The following NFYC variants were observed in gnomAD, a reference collection of about 807,000 sequenced individuals.
NFYC encodes nuclear transcription factor Y subunit gamma.
In NFYC, 25 loss-of-function variants were observed where a neutral mutation model predicts 53.1. The observed-to-expected ratio is 0.47, with a 90% CI of 0.34 to 0.66. The LOEUF is 0.66. Ranked by LOEUF, NFYC falls within the 30% of genes least tolerant of loss-of-function variation. The pLI, the probability that NFYC is intolerant of heterozygous loss-of-function variation, is 0.01. For missense variants in NFYC, 260 were observed against 422.7 expected, an observed-to-expected ratio of 0.62 and a Z score of 3.38; for synonymous variants, 145 against 152.6, an observed-to-expected ratio of 0.95 and a Z score of 0.37.
At chr1:40,694,965 A>G (rs1416235025) in intron 1 of NFYC, among the ~76,000 whole-genome samples, 1 of 152,208 alleles carries the variant, frequency 6.6e-6, no homozygotes, top group East Asian at 1.9e-4. Context: ...GGTCAGAACT[A>G]CTAGAGACTG....
intron 5 of NFYC, among the ~76,000 whole-genome samples, chr1:40,754,763 C>T (rs1033408114): frequency 6.6e-6 from 1 of 152,082 alleles, no homozygotes; most frequent in African/African-American, 2.4e-5. Context: ...AGAGAAGGGT[C>T]ACATCCTGTC....
intron 5 of NFYC, among the ~76,000 whole-genome samples, chr1:40,756,783 CAT>C (rs1557896175): frequency 6.6e-6 from 1 of 152,224 alleles, no homozygotes; most frequent in Non-Finnish European, 1.5e-5. Context: ...TGTCTAAATC[CAT>C]TCATCATTCA....
intron 1 of NFYC, among the ~76,000 whole-genome samples, chr1:40,724,552 T>G (rs1644441984): frequency 6.6e-6 from 1 of 152,220 alleles, no homozygotes; most frequent in Non-Finnish European, 1.5e-5. Context: ...GTTTTATTGC[T>G]GTTATATATG....
chr1:40,744,704 G>A (rs1012266383), intron 2 of NFYC, among the ~76,000 whole-genome samples: 2 of 152,188 alleles, frequency 1.3e-5, no homozygotes, highest in African/African-American at 4.8e-5. Flanking sequence ...CCAAAAGTAG[G>A]GGGGAGCAGT....
chr1:40,716,963 T>TG (rs1157872633), intron 1 of NFYC, among the ~76,000 whole-genome samples: 14 of 152,134 alleles, frequency 9.2e-5, no homozygotes, highest in East Asian at 5.8e-4. Context: ...AGAGCAAGTT[T>TG]GGGGGGAAAA....
In NFYC at chr1:40,704,724, C is replaced by T. The variant is rs554700475; in HGVS notation, c.-9+12857C>T. On this transcript the variant is annotated intron_variant, in intron 1 of 9. Transcript: ENST00000447388. ...CATGATTGGGTTAATCTGGTACATC[C>T]GAAGCAGAGTCGGAGGGCCAGCTTT... is the stretch of plus-strand genomic sequence containing the variant. 3.4e-4 allele frequency among the ~76,000 whole-genome samples: 52 copies of T among 152,222 alleles called. No homozygotes were observed. The South Asian group carries it at 8.5e-3, about 25-fold the overall frequency.
chr1:40,710,111 T>C (rs758234211), intron 1 of NFYC, among the ~76,000 whole-genome samples: 12 of 152,366 alleles, frequency 7.9e-5, no homozygotes, highest in Middle Eastern at 6.8e-3. Context: ...GTGTGAAATT[T>C]TCCCATAACT....
intron 1 of NFYC, among the ~76,000 whole-genome samples, chr1:40,701,036 A>C (rs191427272): frequency 3.3e-3 from 510 of 152,320 alleles, no homozygotes; most frequent in Non-Finnish European, 5.7e-3. Flanking sequence ...TTTAAGACGC[A>C]TTAGTTCCTT....
At chr1:40,729,830 C>T (rs1046131979) in intron 1 of NFYC, among the ~76,000 whole-genome samples, 1 of 152,072 alleles carries the variant, frequency 6.6e-6, no homozygotes, top group African/African-American at 2.4e-5. Context: ...CGCCCACTAC[C>T]ATGCCTGGCT....
intron 6 of NFYC, among the ~76,000 whole-genome samples, chr1:40,759,260 T>C (rs954852399): frequency 6.7e-6 from 1 of 148,236 alleles, no homozygotes; most frequent in African/African-American, 2.5e-5. Context: ...GGCAGGGGCA[T>C]GTGGTGGCTC....
rs550446948 is a variant in NFYC, at chr1:40,770,648, T to C, written c.889-61T>C. On this transcript the variant is annotated intron_variant, in intron 9 of 9. Transcript: ENST00000447388. The surrounding 1 kb of genome is among the most constrained non-coding windows in gnomAD (Gnocchi z 5.3). The stretch of plus-strand genomic sequence containing the variant: ...GGACCCCCAACCAGCTCGAGACCCA[T>C]AGGGAGCTGCATGCCCCTCTCCCAG... The C allele has an allele frequency of 6.2e-6, 10 of 1,614,026 alleles. No homozygotes were observed. Among genetic ancestry groups the C allele is most frequent in the East Asian group, 2.2e-5 (1 of 44,878 alleles).
intron 1 of NFYC, among the ~76,000 whole-genome samples, chr1:40,695,089 A>G (rs1643054038): frequency 2.0e-5 from 3 of 152,112 alleles, no homozygotes; most frequent in Non-Finnish European, 4.4e-5. Flanking sequence ...AATTACAAAA[A>G]TTAGCCTGGC....
chr1:40,762,822 CCT>C, intron 6 of NFYC, 64 bp from the exon 7 acceptor site: 1 of 1,414,924 alleles, frequency 7.1e-7, no homozygotes, highest in Non-Finnish European at 9.4e-7. Flanking sequence ...TCGTTATTAA[CCT>C]CTCGGTAATC....
chr1:40,768,448 A>G (rs183553445), intron 8 of NFYC, among the ~76,000 whole-genome samples: 1 of 152,312 alleles, frequency 6.6e-6, no homozygotes, highest in East Asian at 1.9e-4. Context: ...TCATAGCCTC[A>G]TGGGTAGGCC....
At chr1:40,701,211 C>T (rs1231702377) in intron 1 of NFYC, among the ~76,000 whole-genome samples, 2 of 152,080 alleles carry the variant, frequency 1.3e-5, no homozygotes, top group Admixed American at 6.5e-5. Flanking sequence ...ATTCTCCTGC[C>T]TCCAAGGGAT....
chr1:40,714,566 C>A (rs1557762451), intron 1 of NFYC, among the ~76,000 whole-genome samples: 1 of 152,148 alleles, frequency 6.6e-6, no homozygotes, highest in Non-Finnish European at 1.5e-5. Flanking sequence ...TTATAATAGA[C>A]ATAGCTGGAT....
At chr1:40,737,138 A>G (rs957674777) in intron 1 of NFYC, among the ~76,000 whole-genome samples, 1 of 151,386 alleles carries the variant, frequency 6.6e-6, no homozygotes, top group African/African-American at 2.4e-5. Flanking sequence ...AAAAAAAAAA[A>G]AAAAAAAAAA....
At chr1:40,715,948 G>A (rs1444294427) in intron 1 of NFYC, among the ~76,000 whole-genome samples, 1 of 152,212 alleles carries the variant, frequency 6.6e-6, no homozygotes, top group African/African-American at 2.4e-5. Context: ...TTTCTTCTTG[G>A]AAGTACTACC....
intron 1 of NFYC, among the ~76,000 whole-genome samples, chr1:40,699,693 C>G (rs1643338106): frequency 6.6e-6 from 1 of 152,122 alleles, no homozygotes; most frequent in Non-Finnish European, 1.5e-5. Flanking sequence ...AAACTCTAAC[C>G]ATTTTGGAAG....
Sources: allele counts gnomAD v4.1 joint callset (sites outside exome capture counted in the v4.1 genomes callset), GRCh38; gene constraint gnomAD v4.1.1; non-coding constraint Gnocchi (gnomAD v3.1); transcripts MANE v1.5; gene names NCBI Gene and HGNC (gene_info 2026-07-23, HGNC 2026-07-21).